Variants in CTBP1 observed in about 807,000 individuals in gnomAD.
CTBP1 encodes C-terminal binding protein 1, also known as C-terminal-binding protein 1.
A neutral mutation model predicts 42.1 loss-of-function variants in CTBP1; 11 were observed. The ratio of observed to expected loss-of-function variants is 0.26; its 90% CI spans 0.16 to 0.43. The LOEUF is 0.43. Ranked by LOEUF, CTBP1 falls within the 20% of genes least tolerant of loss-of-function variation. The probability of loss-of-function intolerance (pLI) is 1.00; values close to 1 mark genes in which losing one functional copy is unlikely to be tolerated. For missense variants in CTBP1, 399 were observed against 624.3 expected, an observed-to-expected ratio of 0.64 and a Z score of 3.85; for synonymous variants, 324 against 277.1, an observed-to-expected ratio of 1.17 and a Z score of -1.68.
intron 2 of CTBP1, among the ~76,000 whole-genome samples, chr4:1,240,878 A>G (rs751042278): frequency 6.6e-6 from 1 of 152,188 alleles, no homozygotes; most frequent in Non-Finnish European, 1.5e-5. Flanking sequence ...CCCAAGCCCA[A>G]GGCTGTTTCC....
chr4:1,248,261 G>C (rs1440504041), intron 1 of CTBP1, among the ~76,000 whole-genome samples: 1 of 151,878 alleles, frequency 6.6e-6, no homozygotes, highest in Non-Finnish European at 1.5e-5. Context: ...CCGGGACCTC[G>C]CGGAGTTCGC....
intron 4 of CTBP1, 91 bp downstream of exon 4, chr4:1,228,108 C>T (rs1730577558): frequency 1.3e-6 from 2 of 1,527,876 alleles, no homozygotes; most frequent in Non-Finnish European, 1.8e-6. Context: ...GCAACGGGGT[C>T]CTCAGTGTGG....
At chr4:1,246,660 C>T (rs1249473224) in intron 1 of CTBP1, among the ~76,000 whole-genome samples, 7 of 152,158 alleles carry the variant, frequency 4.6e-5, no homozygotes, top group Admixed American at 4.6e-4. Context: ...GGGGTACTGG[C>T]CGCAGGAAGT....
intron 3 of CTBP1, among the ~76,000 whole-genome samples, chr4:1,232,485 T>C (rs1731061950): frequency 6.6e-6 from 1 of 152,032 alleles, no homozygotes; most frequent in Non-Finnish European, 1.5e-5. Context: ...CTAATTTCTA[T>C]ATTTTTAGTA....
At chr4:1,243,115 C>T (rs982158284) in intron 1 of CTBP1, 1 of 985,366 alleles carries the variant, frequency 1.0e-6, no homozygotes, top group Admixed American at 6.1e-5. Context: ...CCAGTACCGG[C>T]TGCTGCTCGT....
chr4:1,225,318 G>A, intron 5 of CTBP1, 42 bp downstream of exon 5: 2 of 1,516,376 alleles, frequency 1.3e-6, no homozygotes, highest in Non-Finnish European at 1.8e-6. Context: ...GGCAGCGCCA[G>A]ACACAGGGAG....
rs932379883 is a variant in CTBP1 at position 1,212,018 on chromosome 4, T to A, written c.*222A>T. Reference sequence around the variant, plus strand: ...GTTCATGGGAGAATAACTACTGACTTCTTCTGCTTAACGAGGAACGCGAAG... The same window carrying A: ...GTTCATGGGAGAATAACTACTGACTACTTCTGCTTAACGAGGAACGCGAAG... On this transcript the variant is annotated 3_prime_UTR_variant, in exon 10 of 10. Coordinates refer to ENST00000382952, the MANE Select transcript of CTBP1 (RefSeq NM_001012614.2). 9 of 393,908 alleles carry A rather than the reference T, an allele frequency of 2.3e-5. 1 individual carries two copies. The highest frequency in any genetic ancestry group is 2.2e-4 in the Admixed American group (5 of 22,460). 24.4% of individuals were successfully genotyped at this position (393,908 alleles called of 1,614,324 possible).
chr4:1,213,582 T>C lies in CTBP1; in HGVS notation c.884A>G (p.Asp295Gly). ...PFSFSQGPLK[D>G]APNLICTPHA... ...GGGGGTGCAGATGAGGTTGGGTGCA[T>C]CCTTCAGAGGGCCCTGGCTAAAGCT... Residue 295 changes from aspartate (D) to glycine (G), a missense_variant, in exon 8 of 10, where the codon GAT becomes GGT. Transcript: ENST00000382952. 1 of 1,613,180 alleles carries C rather than the reference T, an allele frequency of 6.2e-7. No homozygotes were observed. Among genetic ancestry groups the C allele is most frequent in the Non-Finnish European group, 8.5e-7 (1 of 1,179,888 alleles).
intron 3 of CTBP1, among the ~76,000 whole-genome samples, chr4:1,230,138 G>T (rs761688830): frequency 6.6e-6 from 1 of 152,046 alleles, no homozygotes; most frequent in Non-Finnish European, 1.5e-5. Context: ...CAGTGTGGAC[G>T]GGGTGACCCC....
chr4:1,213,867 G>T, intron 7 of CTBP1: 1 of 492,518 alleles, frequency 2.0e-6, no homozygotes, highest in Non-Finnish European at 3.6e-6. Context: ...CCCTGATGGG[G>T]GGACATGCTG....
chr4:1,244,859 G>A (rs994335799), intron 1 of CTBP1: 4 of 985,354 alleles, frequency 4.1e-6, no homozygotes, highest in Non-Finnish European at 4.8e-6. Flanking sequence ...GCCTGGCGGT[G>A]CTGCCCAGCC....
chr4:1,223,401 G>C (rs774335217), intron 5 of CTBP1: 2 of 455,174 alleles, frequency 4.4e-6, no homozygotes, highest in Non-Finnish European at 8.8e-6. Context: ...GCACATCCGT[G>C]AACCAACCTC....
chr4:1,242,443 T>A, intron 1 of CTBP1: 1 of 985,378 alleles, frequency 1.0e-6, no homozygotes, highest in Non-Finnish European at 1.2e-6. Context: ...AAGGGGCCAC[T>A]CAGCCAAGCC....
chr4:1,228,430 A>G, intron 3 of CTBP1, 87 bp from the exon 4 acceptor site: 1 of 1,505,898 alleles, frequency 6.6e-7, no homozygotes, highest in Non-Finnish European at 9.0e-7. Flanking sequence ...CGGCTGGGAA[A>G]TTAGCCTGTG....
rs1730235148 is a variant in CTBP1, at chr4:1,225,496, C to G, written c.378G>C (p.Leu126=). 1.3e-6 allele frequency: 2 copies of G among 1,546,154 alleles called. No individual in the cohort carries two copies. Among genetic ancestry groups the G allele is most frequent in the East Asian group, 4.9e-5 (2 of 40,920 alleles). Residue 126 remains leucine, a synonymous_variant, in exon 5 of 10, where the codon CTG becomes CTC. Coordinates refer to ENST00000382952, the MANE Select transcript of CTBP1 (RefSeq NM_001012614.2). ...ETADSTLCHI[L]NLYRRATWLH... ...GCCAGGTGGCCCGCCGGTACAGGTT[C>G]AGGATGTGGCACAGCGTCGAGTCGG...
At chr4:1,222,137 C>T (rs896819905) in intron 5 of CTBP1, among the ~76,000 whole-genome samples, 6 of 152,144 alleles carry the variant, frequency 3.9e-5, no homozygotes, top group African/African-American at 1.4e-4. Context: ...TGGTGCCCAG[C>T]ACCGGCCCCG....
At chr4:1,241,019 C>T (rs1420019117) in intron 2 of CTBP1, among the ~76,000 whole-genome samples, 1 of 152,230 alleles carries the variant, frequency 6.6e-6, no homozygotes, top group Non-Finnish European at 1.5e-5. Flanking sequence ...GGGCTCCACC[C>T]TCGTGCTGGC....
chr4:1,224,616 C>T (rs1730126646), intron 5 of CTBP1, among the ~76,000 whole-genome samples: 1 of 149,170 alleles, frequency 6.7e-6, no homozygotes, highest in South Asian at 2.1e-4. Context: ...TGTGTGAGGC[C>T]TGTATGTGTG....
At chr4:1,234,487 G>T (rs1254897654) in intron 3 of CTBP1, among the ~76,000 whole-genome samples, 1 of 152,160 alleles carries the variant, frequency 6.6e-6, no homozygotes, top group Non-Finnish European at 1.5e-5. Flanking sequence ...CTCTGCCCTG[G>T]GCTGTGCAGC....
Sources: allele counts gnomAD v4.1 joint callset (sites outside exome capture counted in the v4.1 genomes callset), GRCh38; gene constraint gnomAD v4.1.1; transcripts MANE v1.5; gene names NCBI Gene and HGNC (gene_info 2026-07-23, HGNC 2026-07-21).